FYN: variants seen among roughly 807,000 people sequenced by gnomAD.
FYN encodes FYN proto-oncogene, Src family tyrosine kinase, also known as tyrosine-protein kinase Fyn.
Under a neutral mutation model 70.2 loss-of-function variants are expected in FYN, and 10 were observed. The observed-to-expected ratio is 0.14, with a 90% CI of 0.09 to 0.24. FYN has a LOEUF of 0.24. Among genes scored for constraint, FYN ranks in the 10% least tolerant of loss-of-function variants. FYN has a pLI of 1.00. For missense variants in FYN, 319 were observed against 673.1 expected (o/e 0.47, Z 5.82); for synonymous variants, 236 against 248.6 (o/e 0.95, Z 0.48).
chr6:111,710,419 C>G (rs571375678), intron 5 of FYN, among the ~76,000 whole-genome samples: 13 of 152,238 alleles, frequency 8.5e-5, no homozygotes, highest in African/African-American at 3.1e-4. Flanking sequence ...GGTCTAGGTA[C>G]CTAAATAGTG....
intron 1 of FYN, among the ~76,000 whole-genome samples, chr6:111,861,452 G>A (rs1197156673): frequency 3.9e-5 from 6 of 152,148 alleles, no homozygotes; most frequent in Non-Finnish European, 8.8e-5. Flanking sequence ...GGCAGAAAAA[G>A]CACTTAAATA....
At chr6:111,679,276 G>A (rs551616746) in intron 12 of FYN, among the ~76,000 whole-genome samples, 3 of 152,306 alleles carry the variant, frequency 2.0e-5, no homozygotes, top group East Asian at 3.9e-4. Flanking sequence ...ACTAAAGACT[G>A]CGGTAGGTTT....
intron 3 of FYN, among the ~76,000 whole-genome samples, chr6:111,730,964 G>C (rs913290132): frequency 3.9e-5 from 6 of 152,230 alleles, no homozygotes; most frequent in African/African-American, 1.4e-4. Flanking sequence ...GGCTGCGCCT[G>C]TTTAAGGAAC....
At chr6:111,727,313 A>G (rs943312503) in intron 3 of FYN, among the ~76,000 whole-genome samples, 2 of 152,260 alleles carry the variant, frequency 1.3e-5, no homozygotes, top group African/African-American at 2.4e-5. Flanking sequence ...AAGGGTATTC[A>G]TAAGTACCAT....
In FYN at chr6:111,829,542, A is replaced by C. The variant is rs978714771; in HGVS notation, c.-82+17047T>G. On this transcript the variant is annotated intron_variant, in intron 2 of 13. Coordinates refer to ENST00000354650, the MANE Select transcript of FYN (RefSeq NM_002037.5). ...GTTAAGCACAGAACAGACACCAATA[A>C]GCACAGAAATGAAAGAAAGGAAAAG... is the stretch of plus-strand genomic sequence containing the variant. Among the ~76,000 whole-genome samples, 50 of 152,324 alleles carry C rather than the reference A, an allele frequency of 3.3e-4. 1 individual carries two copies. The highest frequency in any genetic ancestry group is 1.1e-3 in the African/African-American group (47 of 41,558).
At chr6:111,743,021 C>T (rs1802049178) in intron 3 of FYN, among the ~76,000 whole-genome samples, 1 of 149,634 alleles carries the variant, frequency 6.7e-6, no homozygotes, top group Non-Finnish European at 1.5e-5. Context: ...GGCTGGAGTG[C>T]AGTGGCACGA....
intron 1 of FYN, among the ~76,000 whole-genome samples, chr6:111,869,240 C>G (rs761593222): frequency 1.3e-5 from 2 of 152,240 alleles, no homozygotes; most frequent in Non-Finnish European, 2.9e-5. Context: ...AAGAGGGCAG[C>G]TGAGTGACAG....
chr6:111,669,654 A>T (rs1013905209), intron 13 of FYN, among the ~76,000 whole-genome samples: 6 of 152,118 alleles, frequency 3.9e-5, no homozygotes, highest in African/African-American at 1.4e-4. Context: ...ATATATATCC[A>T]TGTGTGAAGA....
At chr6:111,763,501 T>C (rs1359518019) in intron 3 of FYN, among the ~76,000 whole-genome samples, 1 of 152,228 alleles carries the variant, frequency 6.6e-6, no homozygotes, top group African/African-American at 2.4e-5. Flanking sequence ...TGAAAATAGC[T>C]TGTTTGTCTT....
At chr6:111,708,459 C>T (rs200003625) in intron 5 of FYN, among the ~76,000 whole-genome samples, 9 of 151,638 alleles carry the variant, frequency 5.9e-5, no homozygotes, top group African/African-American at 2.2e-4. Context: ...ATTGTAAGCA[C>T]CCCTCTCTTT....
At chr6:111,782,118 C>T (rs577765860) in intron 2 of FYN, among the ~76,000 whole-genome samples, 4 of 152,310 alleles carry the variant, frequency 2.6e-5, no homozygotes, top group East Asian at 1.9e-4. Context: ...TTCTCATTGA[C>T]TTTTCCACCT....
At chr6:111,696,136 A>C (rs1799563360) in intron 10 of FYN, 141 bp downstream of exon 10, 1 of 650,572 alleles carries the variant, frequency 1.5e-6, no homozygotes, top group Non-Finnish European at 2.4e-6. Flanking sequence ...TTCATTAACG[A>C]GCACATAACT....
At position 111,846,641 on chromosome 6, in the gene FYN, GA is replaced by G. The variant is rs146180698; in HGVS notation, c.-122-13del. 1.3e-4 allele frequency: 50 copies of G among 371,652 alleles called. No homozygotes were observed. Among genetic ancestry groups the G allele is most frequent in the South Asian group, 2.7e-4 (2 of 7,378 alleles). The allele number at this position is 371,652 out of a possible 1,614,324, so 23.0% of individuals were successfully genotyped here. ...CTTCTTCAAAAAAACTGTAGAAGAAGAAAAAAAAAAGTGAGACATCAAAAGA... is the reference window on the plus strand; with the variant it reads ...CTTCTTCAAAAAAACTGTAGAAGAAGAAAAAAAAAGTGAGACATCAAAAGA... On this transcript the variant is annotated splice_polypyrimidine_tract_variant and intron_variant, in intron 1 of 13. Coordinates refer to ENST00000354650, the MANE Select transcript of FYN (RefSeq NM_002037.5).
At chr6:111,683,741 C>T (rs1490154347) in intron 12 of FYN, among the ~76,000 whole-genome samples, 1 of 149,776 alleles carries the variant, frequency 6.7e-6, no homozygotes, top group African/African-American at 2.5e-5. Flanking sequence ...AAAAAAAAAT[C>T]ACAAACAATG....
intron 4 of FYN, among the ~76,000 whole-genome samples, chr6:111,716,746 A>G (rs924730363): frequency 1.3e-5 from 2 of 152,154 alleles, no homozygotes; most frequent in African/African-American, 4.8e-5. Context: ...GATTGAAAAA[A>G]AGAGATATAG....
chr6:111,846,495 C>A, intron 2 of FYN, 94 bp downstream of exon 2: 2 of 398,716 alleles, frequency 5.0e-6, no homozygotes. Context: ...GAATTACAAT[C>A]CCAAATTAAA....
chr6:111,860,573 C>T (rs1395247593), intron 1 of FYN, among the ~76,000 whole-genome samples: 8 of 152,166 alleles, frequency 5.3e-5, no homozygotes, highest in African/African-American at 1.9e-4. Context: ...GGGACTCTTC[C>T]CCACATGGCA....
At chr6:111,703,397 A>AC in intron 7 of FYN, among the ~76,000 whole-genome samples, 1 of 152,142 alleles carries the variant, frequency 6.6e-6, no homozygotes, top group East Asian at 1.9e-4. Context: ...TGTCTTCTCT[A>AC]CCCAGGGGCA....
chr6:111,757,649 T>C (rs1802799904), intron 3 of FYN, among the ~76,000 whole-genome samples: 1 of 152,214 alleles, frequency 6.6e-6, no homozygotes, highest in African/African-American at 2.4e-5. Context: ...ATGGATGCTA[T>C]GAAGGGAGAC....
Sources: gnomAD v4.1 joint callset for allele counts (sites outside exome capture counted in the v4.1 genomes callset) on GRCh38, gnomAD v4.1.1 for gene constraint, MANE v1.5 for transcripts, NCBI Gene and HGNC (gene_info 2026-07-23, HGNC 2026-07-21) for gene names.